FAP: variants seen among roughly 807,000 people sequenced by gnomAD.
FAP encodes the protein prolyl endopeptidase FAP.
In FAP, 110 loss-of-function variants were observed where a neutral mutation model predicts 126.5. That is an observed-to-expected ratio of 0.87 (90% CI 0.74 to 1.02). FAP has a LOEUF of 1.02. Among genes scored for constraint, FAP ranks in the 50% least tolerant of loss-of-function variants. The pLI, the probability that FAP is intolerant of heterozygous loss-of-function variation, is 0.00. For synonymous variants in FAP, 334 were observed against 297.3 expected, an observed-to-expected ratio of 1.12 and a Z score of -1.27; for missense variants, 919 against 909.2, an observed-to-expected ratio of 1.01 and a Z score of -0.14.
chr2:162,223,882 A>C (rs549625268), intron 5 of FAP, among the ~76,000 whole-genome samples: 1 of 152,270 alleles, frequency 6.6e-6, no homozygotes, highest in South Asian at 2.1e-4. Context: ...TAATCTCAGC[A>C]GTGATTCAAC....
At chr2:162,175,075 T>C (rs1687437597) in intron 21 of FAP, 109 bp from the exon 22 acceptor site, 3 of 689,018 alleles carry the variant, frequency 4.4e-6, no homozygotes, top group Admixed American at 5.0e-5. Context: ...CTGGAGAATA[T>C]GGCTAAGGGT....
At chr2:162,214,254 A>T (rs1689078858) in intron 10 of FAP, among the ~76,000 whole-genome samples, 181 bp from the exon 11 acceptor site, 1 of 152,196 alleles carries the variant, frequency 6.6e-6, no homozygotes, top group Admixed American at 6.5e-5. Context: ...CTTACTTAAA[A>T]AAATATCTAT....
At chr2:162,185,927 A>G (rs533268826) in intron 20 of FAP, among the ~76,000 whole-genome samples, 1 of 152,196 alleles carries the variant, frequency 6.6e-6, no homozygotes, top group South Asian at 2.1e-4. Context: ...AAAGCATTGG[A>G]TTATAAGGCT....
At chr2:162,207,958 A>T (rs1166655753) in intron 12 of FAP, among the ~76,000 whole-genome samples, 10 of 151,428 alleles carry the variant, frequency 6.6e-5, no homozygotes, top group Admixed American at 5.9e-4. Context: ...GGTGTTTTTT[A>T]AAAAAGTTCT....
chr2:162,226,415 TAC>T, intron 3 of FAP, 106 bp downstream of exon 3: 1 of 550,644 alleles, frequency 1.8e-6, no homozygotes, highest in Non-Finnish European at 3.2e-6. Context: ...GTTCTTTTTG[TAC>T]ATTTCAACTG....
At position 162,188,297 on chromosome 2, in the gene FAP, T is replaced by C; in HGVS notation, c.1686A>G (p.Ala562=). 6.2e-7 allele frequency: 1 copy of C among 1,613,292 alleles called. No individual in the cohort carries two copies. The highest frequency in any genetic ancestry group is 8.5e-7 in the Non-Finnish European group (1 of 1,179,518). Residue 562 remains alanine (A), a synonymous_variant, in exon 20 of 26, where the codon GCA becomes GCG. Coordinates refer to ENST00000188790, the MANE Select transcript of FAP (RefSeq NM_004460.5). ...AGGCAATGACCATCCCTTCCTTACT[T>C]GCAAGATAAGATATCCAATTAACAG... ...VFAVNWISYL[A]SKEGMVIALV...
At chr2:162,198,270 C>T (rs1161484780) in intron 16 of FAP, 1 of 1,289,908 alleles carries the variant, frequency 7.8e-7, no homozygotes, top group Middle Eastern at 2.1e-4. Context: ...ACGTGGGCAT[C>T]TCGGGTTTCC....
intron 6 of FAP, among the ~76,000 whole-genome samples, chr2:162,220,774 T>C (rs1689355098): frequency 6.6e-6 from 1 of 152,198 alleles, no homozygotes; most frequent in Non-Finnish European, 1.5e-5. Context: ...ATTCAGACTT[T>C]TATAAGTGTT....
intron 21 of FAP, among the ~76,000 whole-genome samples, chr2:162,179,184 G>A (rs1687596569): frequency 1.3e-5 from 2 of 151,082 alleles, no homozygotes; most frequent in South Asian, 4.2e-4. Context: ...GATGGTGGAG[G>A]AATAAGGAAT....
chr2:162,174,891 G>C lies in FAP; in HGVS notation c.1945C>G (p.Pro649Ala), dbSNP rs1687432584. The change falls in exon 22 of 26, where the codon CCA (proline) becomes GCA (alanine). Residue 649 changes from proline (P) to alanine (A), a missense_variant. Physicochemically the swap from Pro to Ala is conservative, Grantham distance 27 (BLOSUM62 -1). Transcript: ENST00000188790. ...GLFKCGIAVA[P>A]VSSWEYYASV... is the part of the protein sequence containing the mutation. ...CCGTAATATTCCCAGCTGGAGACTG[G>C]AGCCACTGCTATACCACATTTGAAA... The C allele has an allele frequency of 6.2e-7, 1 of 1,612,386 alleles. No individual in the cohort carries two copies. The highest frequency in any genetic ancestry group is 8.5e-7 in the Non-Finnish European group (1 of 1,178,776).
intron 18 of FAP, among the ~76,000 whole-genome samples, 184 bp downstream of exon 18, chr2:162,189,472 T>C (rs895889220): frequency 3.3e-5 from 5 of 151,964 alleles, no homozygotes; most frequent in Non-Finnish European, 4.4e-5. Flanking sequence ...TCAACCATGT[T>C]CACAAACATA....
At chr2:162,227,834 T>C (rs993256152) in intron 2 of FAP, among the ~76,000 whole-genome samples, 2 of 152,146 alleles carry the variant, frequency 1.3e-5, no homozygotes, top group African/African-American at 4.8e-5. Context: ...GTCTACAGCC[T>C]TTTCTAGTCT....
At chr2:162,204,017 A>G (rs139410755) in intron 12 of FAP, among the ~76,000 whole-genome samples, 2 of 152,326 alleles carry the variant, frequency 1.3e-5, no homozygotes, top group East Asian at 3.9e-4. Context: ...CAAATCATTA[A>G]AAGAATTCCA....
At chr2:162,239,500 GT>G (rs774677854) in intron 2 of FAP, among the ~76,000 whole-genome samples, 1 of 150,054 alleles carries the variant, frequency 6.7e-6, no homozygotes, top group African/African-American at 2.4e-5. Flanking sequence ...GTTGTTTTTG[GT>G]TAAAAAAAAA....
chr2:162,218,032 T>C lies in FAP; in HGVS notation c.716A>G (p.Tyr239Cys), dbSNP rs1689221216. Residue 239 changes from tyrosine to cysteine, a missense_variant, in exon 9 of 26, where the codon TAT becomes TGT. By Grantham distance (194) the Tyr-to-Cys change is radical. Transcript: ENST00000188790. ...TDIPVIAYSY[Y>C]GDEQYPRTIN... Reference sequence around the variant, plus strand: ...TGTTCTAGGATATTGTTCATCGCCATAATAGGAATAGGCAATAACTGGTAT... The same window carrying C: ...TGTTCTAGGATATTGTTCATCGCCACAATAGGAATAGGCAATAACTGGTAT... 1.2e-6 allele frequency: 2 copies of C among 1,605,228 alleles called. No individual in the cohort carries two copies. Among genetic ancestry groups the C allele is most frequent in the African/African-American group, 2.7e-5 (2 of 74,494 alleles).
At chr2:162,189,837 T>C (rs569537138) in intron 17 of FAP, 83 bp from the exon 18 acceptor site, 2 of 708,474 alleles carry the variant, frequency 2.8e-6, no homozygotes, top group African/African-American at 1.8e-5. Flanking sequence ...GACTTCAATA[T>C]GGGTGAAACT....
chr2:162,172,636 G>T (rs1198153011), intron 25 of FAP, 175 bp downstream of exon 25: 3 of 561,636 alleles, frequency 5.3e-6, no homozygotes, highest in Non-Finnish European at 6.4e-6. Context: ...GTTTGCCTCG[G>T]GTCCTTCAGT....
chr2:162,208,813 C>A (rs1576169840), intron 12 of FAP, among the ~76,000 whole-genome samples: 1 of 147,294 alleles, frequency 6.8e-6, no homozygotes. Flanking sequence ...AAAGTGAGTT[C>A]AAATAGGAGG....
Position 162,194,749 on chromosome 2 carries a change from C to T in FAP, c.1403-1G>A. On this transcript the variant is annotated splice_acceptor_variant, in intron 16 of 25. Transcript: ENST00000188790. LOFTEE classifies it high-confidence loss of function. ...AGGGTGGAAATGGGGATGCCTGGGC[C>T]TGTGGGCAGGATGAAAACAAAATCA... The T allele has an allele frequency of 6.2e-7, 1 of 1,613,516 alleles. No homozygotes were observed. The highest frequency in any genetic ancestry group is 8.5e-7 in the Non-Finnish European group (1 of 1,179,606).
Sources: allele counts gnomAD v4.1 joint callset (sites outside exome capture counted in the v4.1 genomes callset), GRCh38; gene constraint gnomAD v4.1.1; transcripts MANE v1.5; gene names NCBI Gene and HGNC (gene_info 2026-07-23, HGNC 2026-07-21).